SH2B1: variants seen among roughly 807,000 people sequenced by gnomAD.
SH2B1 encodes SH2B adaptor protein 1.
SH2B1 carries 15 observed loss-of-function variants against 62.6 expected under a neutral mutation model. That is an observed-to-expected ratio of 0.24 (90% CI 0.16 to 0.37). The LOEUF (loss-of-function observed/expected upper bound fraction) is 0.37, where lower values mean the gene tolerates loss of function less well. Among genes scored for constraint, SH2B1 ranks in the 10% least tolerant of loss-of-function variants. The probability of loss-of-function intolerance (pLI) is 1.00; values close to 1 mark genes in which losing one functional copy is unlikely to be tolerated. For synonymous variants in SH2B1, 443 were observed against 438.0 expected (o/e 1.01, Z -0.14); for missense variants, 925 against 1,015.6 (o/e 0.91, Z 1.21).
At chr16:28,855,408 G>A (rs1370063587) in intron 1 of SH2B1, among the ~76,000 whole-genome samples, 1 of 146,094 alleles carries the variant, frequency 6.8e-6, no homozygotes, top group Non-Finnish European at 1.5e-5. Flanking sequence ...TAGTAAAGAC[G>A]AGGGGTTTCA....
At position 28,865,975 on chromosome 16, in the gene SH2B1, A is replaced by G. The variant is rs893757273; in HGVS notation, c.-120A>G. 7 of 1,486,452 alleles carry G rather than the reference A, an allele frequency of 4.7e-6. No homozygotes were observed. The highest frequency in any genetic ancestry group is 2.3e-5 in the Admixed American group (1 of 42,634). 92.1% of individuals were successfully genotyped at this position (1,486,452 alleles called of 1,614,324 possible). A position where few individuals can be genotyped will look rare whatever the true frequency, so the allele number is the denominator to read the frequency against. On this transcript the variant is annotated 5_prime_UTR_variant, in exon 1 of 8. Transcript: ENST00000684370. The stretch of plus-strand genomic sequence containing the variant: ...ATGCAGCCTCCGGTGCGCCCTCAGC[A>G]GTGACCCTCGTGTGTGCCTCTCTCT...
intron 1 of SH2B1, among the ~76,000 whole-genome samples, chr16:28,848,235 C>T (rs1035751808): frequency 6.6e-6 from 1 of 151,972 alleles, no homozygotes; most frequent in Non-Finnish European, 1.5e-5. Context: ...TTCAGGAGTT[C>T]GAGAACAGCC....
At chr16:28,853,685 A>G (rs1962258984) in intron 1 of SH2B1, among the ~76,000 whole-genome samples, 1 of 151,718 alleles carries the variant, frequency 6.6e-6, no homozygotes, top group Non-Finnish European at 1.5e-5. Flanking sequence ...TTCTCCGTGC[A>G]GCAGCCAGAT....
Position 28,873,450 on chromosome 16 carries a change from C to A in SH2B1, c.1901C>A (p.Pro634Gln). ...TTTTCTTACCATTCCTATCCAGAACCGACCACCTCCCATGACCCACCCCAG... is the reference window on the plus strand; with the variant it reads ...TTTTCTTACCATTCCTATCCAGAACAGACCACCTCCCATGACCCACCCCAG... ...YVPSSQRQQE[P>Q]TTSHDPPQPP... The change falls in exon 8 of 8, where the codon CCG becomes CAG. Residue 634 changes from proline to glutamine, a missense_variant. Pro to Gln is a moderately conservative substitution (Grantham distance 76). This residue lies in a region of SH2B1 where 185 missense variants were observed against 189.5 expected (regional missense o/e 0.98). Transcript: ENST00000684370. This position sits in a 1 kb window ranked among gnomAD's most constrained non-coding sequence, Gnocchi z 4.2. 2 of 1,567,508 alleles carry A rather than the reference C, an allele frequency of 1.3e-6. No homozygotes were observed. The highest frequency in any genetic ancestry group is 2.3e-5 in the South Asian group (2 of 85,874).
At chr16:28,860,815 TG>T (rs1245024226), upstream of SH2B1, among the ~76,000 whole-genome samples, 12 of 896 alleles carry the variant, frequency 0.013, no homozygotes, top group Admixed American at 0.061. Context: ...ACTCCAGATT[TG>T]TTTTTTTTTT....
Position 28,864,421 on chromosome 16 carries a change from G to C in SH2B1, c.-1674G>C, listed in dbSNP as rs1457396775. On this transcript the variant is annotated 5_prime_UTR_variant, in exon 1 of 8. Coordinates refer to ENST00000684370, the MANE Select transcript of SH2B1 (RefSeq NM_001387430.1). ...GTGTGAGCCGAGGTGGCCGCTGGCTGGAGATTGGTTTGCACTTCTTGGCTG... is the reference window on the plus strand; with the variant it reads ...GTGTGAGCCGAGGTGGCCGCTGGCTCGAGATTGGTTTGCACTTCTTGGCTG... 2.0e-6 allele frequency: 2 copies of C among 986,966 alleles called. No homozygotes were observed. The highest frequency in any genetic ancestry group is 5.2e-4 in the Middle Eastern group (1 of 1,920). The allele number at this position is 986,966 out of a possible 1,614,324, so 61.1% of individuals were successfully genotyped here. A position where few individuals can be genotyped will look rare whatever the true frequency, so the allele number is the denominator to read the frequency against.
intron 4 of SH2B1, among the ~76,000 whole-genome samples, chr16:28,871,021 G>A (rs1434736761): frequency 2.6e-5 from 4 of 151,128 alleles, no homozygotes; most frequent in African/African-American, 9.7e-5. Flanking sequence ...GTGTGTGTGT[G>A]TGTGTGTGTG....
chr16:28,865,898 T>G lies in SH2B1; in HGVS notation c.-197T>G. The G allele has an allele frequency of 1.5e-6, 2 of 1,374,980 alleles. No homozygotes were observed. The highest frequency in any genetic ancestry group is 1.9e-6 in the Non-Finnish European group (2 of 1,069,314). 85.2% of individuals were successfully genotyped at this position (1,374,980 alleles called of 1,614,324 possible). A position where few individuals can be genotyped will look rare whatever the true frequency, so the allele number is the denominator to read the frequency against. On this transcript the variant is annotated 5_prime_UTR_variant, in exon 1 of 8. Coordinates refer to ENST00000684370, the MANE Select transcript of SH2B1 (RefSeq NM_001387430.1). Reference sequence around the variant, plus strand: ...GGGAGGTGTTGGGCTCCCTTCCCCATTGCTCTCTGCGGAGTCTGAAGTAGG... The same window carrying G: ...GGGAGGTGTTGGGCTCCCTTCCCCAGTGCTCTCTGCGGAGTCTGAAGTAGG...
At chr16:28,856,339 T>G (rs551189314) in intron 1 of SH2B1, among the ~76,000 whole-genome samples, 2 of 152,026 alleles carry the variant, frequency 1.3e-5, no homozygotes, top group African/African-American at 4.8e-5. Flanking sequence ...CAGTATTTGT[T>G]GGAGGATTTA....
chr16:28,852,485 TATACATAC>T (rs1220975575), intron 1 of SH2B1, among the ~76,000 whole-genome samples: 30 of 50,784 alleles, frequency 5.9e-4, no homozygotes, highest in Non-Finnish European at 8.4e-4. Context: ...TATATTTATA[TATACATAC>T]ATATATTTAT....
chr16:28,857,134 T>G (rs1325513721), intron 1 of SH2B1, among the ~76,000 whole-genome samples: 2 of 152,014 alleles, frequency 1.3e-5, no homozygotes, highest in East Asian at 1.9e-4. Context: ...AATACAAAAA[T>G]TAGCTGGACG....
chr16:28,871,979 C>A lies in SH2B1; in HGVS notation c.1509C>A (p.Ala503=). 6.3e-7 allele frequency: 1 copy of A among 1,594,888 alleles called. No individual in the cohort carries two copies. The highest frequency in any genetic ancestry group is 8.6e-7 in the Non-Finnish European group (1 of 1,162,906). ...CTCCCTTGGACACTCCGGAAACAGC[C>A]ACAGGTACCGGAGGTGTGAGTGTGC... ...PYPPLDTPET[A]TGSFLFQGEP... The change falls in exon 5 of 8, where the codon GCC becomes GCA. Residue 503 remains alanine, a synonymous_variant. Coordinates refer to ENST00000684370, the MANE Select transcript of SH2B1 (RefSeq NM_001387430.1).
chr16:28,852,855 T>A (rs1368469941), intron 1 of SH2B1, among the ~76,000 whole-genome samples: 3 of 88,456 alleles, frequency 3.4e-5, no homozygotes, highest in Non-Finnish European at 6.1e-5. Context: ...TATATATTTT[T>A]ATATATATTT....
chr16:28,848,668 CTTTT>C (rs745489496), intron 1 of SH2B1, among the ~76,000 whole-genome samples: 207 of 109,216 alleles, frequency 1.9e-3, no homozygotes, highest in South Asian at 2.7e-3. Context: ...CCGCACTGTC[CTTTT>C]TTTTTTTTTT....
chr16:28,871,846 C>T lies in SH2B1; in HGVS notation c.1376C>T (p.Ala459Val). 1 of 1,613,890 alleles carries T rather than the reference C, an allele frequency of 6.2e-7. No homozygotes were observed. Among genetic ancestry groups the T allele is most frequent in the Non-Finnish European group, 8.5e-7 (1 of 1,179,792 alleles). The change falls in exon 5 of 8, where the codon GCC becomes GTC. Residue 459 changes from alanine to valine, a missense_variant. Physicochemically the swap from Ala to Val is moderately conservative, Grantham distance 64 (BLOSUM62 0). This residue lies in a region of SH2B1 where 683 missense variants were observed against 704.0 expected (regional missense o/e 0.97). Coordinates refer to ENST00000684370, the MANE Select transcript of SH2B1 (RefSeq NM_001387430.1). ...SISPSSASIAASHFDSMELLP... is the reference protein window; with the variant it reads ...SISPSSASIAVSHFDSMELLP... ...TCCCCCAGCTCTGCCTCCATTGCCGCCTCCCATTTTGACTCGATGGAACTG... is the reference window on the plus strand; with the variant it reads ...TCCCCCAGCTCTGCCTCCATTGCCGTCTCCCATTTTGACTCGATGGAACTG...
Position 28,852,340 on chromosome 16 carries a change from TTAC to T in SH2B1, c.-301+5514_-301+5516del, listed in dbSNP as rs1567458277. Among the ~76,000 whole-genome samples, 26 of 63,050 alleles carry T rather than the reference TTAC, an allele frequency of 4.1e-4. 1 individual carries two copies. Among genetic ancestry groups the T allele is most frequent in the African/African-American group, 1.8e-3 (24 of 13,420 alleles). The allele number at this position is 63,050 out of a possible 152,430, so 41.4% of individuals were successfully genotyped here. A position where few individuals can be genotyped will look rare whatever the true frequency, so the allele number is the denominator to read the frequency against. On this transcript the variant is annotated intron_variant, in intron 1 of 10. Coordinates refer to the SH2B1 transcript ENST00000322610. ...TACATATATATATTTACATATATATTTACATATATATTTATATATATATTTATA... is the reference window on the plus strand; with the variant it reads ...TACATATATATATTTACATATATATTATATATATTTATATATATATTTATA...
chr16:28,851,399 T>C (rs1962095991), intron 1 of SH2B1, among the ~76,000 whole-genome samples: 1 of 151,784 alleles, frequency 6.6e-6, no homozygotes, highest in Non-Finnish European at 1.5e-5. Flanking sequence ...TCATCCAGGT[T>C]ACCTCAGGAG....
intron 1 of SH2B1, among the ~76,000 whole-genome samples, chr16:28,852,984 T>A (rs866045726): frequency 1.9e-4 from 5 of 25,740 alleles, no homozygotes; most frequent in South Asian, 4.2e-3. Flanking sequence ...CATATATATT[T>A]TATATGTACA....
chr16:28,858,886 G>C (rs1159540794), upstream of SH2B1, among the ~76,000 whole-genome samples: 1 of 150,820 alleles, frequency 6.6e-6, no homozygotes, highest in African/African-American at 2.4e-5. Flanking sequence ...TTTGCAGCTG[G>C]TGAGCTGAGA....
Sources: allele counts gnomAD v4.1 joint callset (sites outside exome capture counted in the v4.1 genomes callset), GRCh38; gene constraint gnomAD v4.1.1; regional missense constraint gnomAD v4.1.1; non-coding constraint Gnocchi (gnomAD v3.1); transcripts MANE v1.5; gene names NCBI Gene and HGNC (gene_info 2026-07-23, HGNC 2026-07-21).